Variants in DNAJB14 observed in about 807,000 individuals in gnomAD.
DNAJB14 encodes the protein dnaJ homolog subfamily B member 14.
Under a neutral mutation model 48.4 loss-of-function variants are expected in DNAJB14, and 22 were observed. The ratio of observed to expected loss-of-function variants is 0.45; its 90% CI spans 0.32 to 0.65. DNAJB14 has a LOEUF of 0.65. DNAJB14 is among the 30% of genes least tolerant of loss of function. DNAJB14 has a pLI of 0.03. For synonymous variants in DNAJB14, 142 were observed against 158.7 expected, an observed-to-expected ratio of 0.89 and a Z score of 0.79; for missense variants, 319 against 458.8, an observed-to-expected ratio of 0.70 and a Z score of 2.78.
Position 99,896,309 on chromosome 4 carries a change from CAA to C in DNAJB14, c.*4717_*4718del, listed in dbSNP as rs1220954702. 2.0e-5 allele frequency: 3 copies of C among 152,180 alleles called. No individual in the cohort carries two copies. Among genetic ancestry groups the C allele is most frequent in the African/African-American group, 4.8e-5 (2 of 41,526 alleles). 9.4% of individuals were successfully genotyped at this position (152,180 alleles called of 1,614,324 possible). A position where few individuals can be genotyped will look rare whatever the true frequency, so the allele number is the denominator to read the frequency against. The stretch of plus-strand genomic sequence containing the variant: ...GAGATAAACTACAGAGACTGAAAGA[CAA>C]AAATTCATATTTCATTCAGAACATT... On this transcript the variant is annotated 3_prime_UTR_variant, in exon 8 of 8. Transcript: ENST00000442697.
At chr4:99,920,068 C>T (rs1725998887) in intron 3 of DNAJB14, among the ~76,000 whole-genome samples, 1 of 152,056 alleles carries the variant, frequency 6.6e-6, no homozygotes, top group Non-Finnish European at 1.5e-5. Context: ...AAATCTGAGT[C>T]TCAATTTTTT....
Position 99,930,554 on chromosome 4 carries a change from T to C in DNAJB14, c.201A>G (p.Ser67=). Residue 67 remains serine (S), a synonymous_variant, in exon 2 of 8, where the codon TCA becomes TCG. Transcript: ENST00000442697. ...TAGGCTTGCTTTGATCGCCACTACC[T>C]GATGGTTTTCGGCAATGAGGGCTAT... ...AGNSPHCRKP[S]GSGDQSKPNC... is the part of the protein sequence containing the mutation. 1 of 1,613,028 alleles carries C rather than the reference T, an allele frequency of 6.2e-7. No homozygotes were observed. Among genetic ancestry groups the C allele is most frequent in the Non-Finnish European group, 8.5e-7 (1 of 1,179,418 alleles).
Position 99,935,705 on chromosome 4 carries a change from T to C in DNAJB14, c.134-5084A>G, listed in dbSNP as rs935363322. ...AATTATTAGGCTTCTTCCTTTCCCTTCTTTTTCCTTTTGGCATCTGGGGCT... is the reference window on the plus strand; with the variant it reads ...AATTATTAGGCTTCTTCCTTTCCCTCCTTTTTCCTTTTGGCATCTGGGGCT... On this transcript the variant is annotated intron_variant, in intron 1 of 7. Coordinates refer to ENST00000442697, the MANE Select transcript of DNAJB14 (RefSeq NM_001031723.4). Among the ~76,000 whole-genome samples, 4 of 117,846 alleles carry C rather than the reference T, an allele frequency of 3.4e-5. No homozygotes were observed. The South Asian group carries it at 1.0e-3, about 30-fold the overall frequency. The allele number at this position is 117,846 out of a possible 152,430, so 77.3% of individuals were successfully genotyped here.
At chr4:99,920,020 G>A (rs1402293004) in intron 3 of DNAJB14, among the ~76,000 whole-genome samples, 2 of 152,052 alleles carry the variant, frequency 1.3e-5, no homozygotes, top group African/African-American at 2.4e-5. Context: ...GTCTGTTTTG[G>A]TATTTAAATA....
chr4:99,915,687 A>C (rs577744725), intron 3 of DNAJB14, among the ~76,000 whole-genome samples: 1 of 152,264 alleles, frequency 6.6e-6, no homozygotes, highest in Non-Finnish European at 1.5e-5. Flanking sequence ...GCACTTGAAA[A>C]GAATTTGTAG....
At chr4:99,938,396 TGTGA>T (rs1460736108) in intron 1 of DNAJB14, among the ~76,000 whole-genome samples, 1 of 147,328 alleles carries the variant, frequency 6.8e-6, no homozygotes, top group African/African-American at 2.5e-5. Context: ...ACTGGCAGAA[TGTGA>T]GTAAGGTGAA....
At position 99,902,833 on chromosome 4, in the gene DNAJB14, C is replaced by T. The variant is rs531587219; in HGVS notation, c.1015+893G>A. 3.9e-5 allele frequency among the ~76,000 whole-genome samples: 6 copies of T among 152,276 alleles called. No individual in the cohort carries two copies. In the South Asian group the frequency reaches 1.2e-3, roughly 32 times the overall value. On this transcript the variant is annotated intron_variant, in intron 7 of 7. Coordinates refer to ENST00000442697, the MANE Select transcript of DNAJB14 (RefSeq NM_001031723.4). ...TAGTAATCTCTCTTTGCTTCAGTTT[C>T]TTCATGTGTAAAATAAGTATAATCT...
At chr4:99,907,942 A>G (rs1725525089) in intron 4 of DNAJB14, among the ~76,000 whole-genome samples, 1 of 152,194 alleles carries the variant, frequency 6.6e-6, no homozygotes, top group African/African-American at 2.4e-5. Flanking sequence ...GGTCCTTGGA[A>G]ACTGCAACTT....
chr4:99,903,859 C>T lies in DNAJB14; in HGVS notation c.882G>A (p.Leu294=). The T allele has an allele frequency of 2.5e-6, 4 of 1,612,436 alleles. No individual in the cohort carries two copies. Among genetic ancestry groups the T allele is most frequent in the Non-Finnish European group, 3.4e-6 (4 of 1,179,262 alleles). ...GQTIKMQTEN[L]GVVYYVNKDF... is the part of the protein sequence containing the mutation. ...CCTTGTTGACATAATAAACAACACC[C>T]AAGTTTTCTGTTTGCATTTTAATAG... The change falls in exon 7 of 8, where the codon TTG becomes TTA. Residue 294 remains leucine (L), a synonymous_variant. Coordinates refer to ENST00000442697, the MANE Select transcript of DNAJB14 (RefSeq NM_001031723.4).
At chr4:99,941,492 G>A (rs1419605959) in intron 1 of DNAJB14, among the ~76,000 whole-genome samples, 1 of 152,052 alleles carries the variant, frequency 6.6e-6, no homozygotes, top group Non-Finnish European at 1.5e-5. Context: ...ATATCCTCAC[G>A]ATAAGCCTGC....
At chr4:99,937,142 C>G (rs1471045257) in intron 1 of DNAJB14, among the ~76,000 whole-genome samples, 1 of 152,026 alleles carries the variant, frequency 6.6e-6, no homozygotes, top group Non-Finnish European at 1.5e-5. Context: ...CAGTGAAACC[C>G]TGTTTCTACT....
chr4:99,916,922 C>T (rs189001761), intron 3 of DNAJB14, among the ~76,000 whole-genome samples: 7 of 152,168 alleles, frequency 4.6e-5, no homozygotes, highest in Non-Finnish European at 7.4e-5. Flanking sequence ...ATCATGCAAT[C>T]GAGAGATAGA....
chr4:99,930,344 G>C (rs1404448224), intron 2 of DNAJB14, 106 bp downstream of exon 2: 2 of 1,167,562 alleles, frequency 1.7e-6, no homozygotes, highest in African/African-American at 1.6e-5. Flanking sequence ...TCAATTCCTT[G>C]ATGTCTATTC....
intron 1 of DNAJB14, among the ~76,000 whole-genome samples, chr4:99,944,852 C>G (rs944540058): frequency 1.3e-5 from 2 of 152,152 alleles, no homozygotes; most frequent in African/African-American, 4.8e-5. Context: ...GCTGGGATAA[C>G]AGGCGTGAGC....
At chr4:99,920,104 G>T (rs896715108) in intron 3 of DNAJB14, among the ~76,000 whole-genome samples, 1 of 152,200 alleles carries the variant, frequency 6.6e-6, no homozygotes, top group Admixed American at 6.5e-5. Flanking sequence ...AATGACACTG[G>T]TCTCTTAACT....
intron 1 of DNAJB14, among the ~76,000 whole-genome samples, chr4:99,938,573 AAGAG>A: frequency 6.6e-6 from 1 of 152,008 alleles, no homozygotes; most frequent in Admixed American, 6.6e-5. Context: ...TGTGTGTAGA[AAGAG>A]AAAGAGAAAG....
chr4:99,945,585 T>C (rs1727039373), intron 1 of DNAJB14, among the ~76,000 whole-genome samples: 1 of 152,240 alleles, frequency 6.6e-6, no homozygotes, highest in South Asian at 2.1e-4. Flanking sequence ...TCATTAATTA[T>C]CAGAAAGTCT....
chr4:99,936,034 C>T (rs1578236662), intron 1 of DNAJB14, among the ~76,000 whole-genome samples: 1 of 152,148 alleles, frequency 6.6e-6, no homozygotes, highest in African/African-American at 2.4e-5. Context: ...TGCCACTGCA[C>T]TCCAACCTCG....
At chr4:99,906,411 A>C (rs1725468753) in intron 5 of DNAJB14, 106 bp downstream of exon 5, 2 of 1,160,226 alleles carry the variant, frequency 1.7e-6, no homozygotes, top group Non-Finnish European at 2.5e-6. Flanking sequence ...CTCTAGTAAG[A>C]GAAAACTCAT....
Sources: allele counts gnomAD v4.1 joint callset (sites outside exome capture counted in the v4.1 genomes callset), GRCh38; gene constraint gnomAD v4.1.1; transcripts MANE v1.5; gene names NCBI Gene and HGNC (gene_info 2026-07-23, HGNC 2026-07-21).